RBM6: variants seen among roughly 807,000 people sequenced by gnomAD.
RBM6 encodes the protein RNA-binding protein 6.
In RBM6, 23 loss-of-function variants were observed where a neutral mutation model predicts 140.4. The ratio of observed to expected loss-of-function variants is 0.16; its 90% CI spans 0.12 to 0.23. The LOEUF (loss-of-function observed/expected upper bound fraction) is 0.23. Ranked by LOEUF, RBM6 falls within the 10% of genes least tolerant of loss-of-function variation. RBM6 has a pLI of 1.00. For missense variants in RBM6, 1,139 were observed against 1,386.7 expected (o/e 0.82, Z 2.84); for synonymous variants, 439 against 475.6 (o/e 0.92, Z 1.00).
chr3:50,072,417 A>AAAAAG (rs544768392), intron 19 of RBM6, among the ~76,000 whole-genome samples: 15 of 151,916 alleles, frequency 9.9e-5, no homozygotes, highest in African/African-American at 7.2e-5. Context: ...ATCAAAAAAA[A>AAAAAG]AAAAGAAAAG....
At chr3:50,035,916 T>C (rs372773190) in intron 6 of RBM6, among the ~76,000 whole-genome samples, 5 of 151,998 alleles carry the variant, frequency 3.3e-5, no homozygotes, top group African/African-American at 1.2e-4. Flanking sequence ...CCCACCACCA[T>C]GTCTGGCTAA....
Position 49,968,856 on chromosome 3 carries a change from T to C in RBM6, c.1323+108T>C, listed in dbSNP as rs982555467. 1.1e-5 allele frequency: 14 copies of C among 1,313,890 alleles called. No homozygotes were observed. In the Admixed American group the frequency reaches 2.1e-4, roughly 19 times the overall value. The allele number at this position is 1,313,890 out of a possible 1,614,324, so 81.4% of individuals were successfully genotyped here. ...AGTGCAGTGGTGCGATCTCTGCTCATGCAAGCTCCGCCTCCTGGGTTCATG... is the reference window on the plus strand; with the variant it reads ...AGTGCAGTGGTGCGATCTCTGCTCACGCAAGCTCCGCCTCCTGGGTTCATG... On this transcript the variant is annotated intron_variant, in intron 3 of 20. Transcript: ENST00000266022.
chr3:49,966,085 C>T (rs2084505375), intron 2 of RBM6, among the ~76,000 whole-genome samples: 1 of 152,030 alleles, frequency 6.6e-6, no homozygotes, highest in African/African-American at 2.4e-5. Flanking sequence ...GAGATCATGC[C>T]ATTGCACTCC....
At chr3:49,982,262 C>CTTTTCTTTTTTTT (rs2085338846) in intron 5 of RBM6, among the ~76,000 whole-genome samples, 1 of 68,428 alleles carries the variant, frequency 1.5e-5, no homozygotes, top group African/African-American at 6.0e-5. Flanking sequence ...CTTTTCTTTT[C>CTTTTCTTTTTTTT]TTTTTTTTTT....
chr3:50,005,495 C>CAAAAAAAA (rs35202304), intron 6 of RBM6, among the ~76,000 whole-genome samples: 3 of 101,378 alleles, frequency 3.0e-5, no homozygotes, highest in African/African-American at 3.9e-5. Context: ...GATCCTGCCT[C>CAAAAAAAA]AAAAAAAAAA....
At chr3:49,947,868 T>C (rs996876244) in intron 1 of RBM6, among the ~76,000 whole-genome samples, 3 of 152,218 alleles carry the variant, frequency 2.0e-5, no homozygotes, top group African/African-American at 7.2e-5. Context: ...GACACCTTTG[T>C]TGAAAATCAG....
At position 50,060,937 on chromosome 3, in the gene RBM6, G is replaced by A. The variant is rs1369656007; in HGVS notation, c.2229-19G>A. The A allele has an allele frequency of 4.5e-6, 7 of 1,546,156 alleles. No individual in the cohort carries two copies. In the South Asian group the frequency reaches 6.4e-5, roughly 14 times the overall value. ...CCACTTGGTAGCAGCCTTAAGAATT[G>A]TTGTGTTATCTGTTGCAGAAATGAT... On this transcript the variant is annotated intron_variant, in intron 11 of 20. Transcript: ENST00000266022.
chr3:49,996,784 C>G (rs917371151), intron 5 of RBM6, among the ~76,000 whole-genome samples: 3 of 152,158 alleles, frequency 2.0e-5, no homozygotes, highest in Admixed American at 1.3e-4. Context: ...CTTTCTGTAA[C>G]TAGGCTTCTA....
rs1457828102 is a variant in RBM6, at chr3:49,967,226, TC to T, written c.45-243del. 7.9e-7 allele frequency: 1 copy of T among 1,265,680 alleles called. No homozygotes were observed. The highest frequency in any genetic ancestry group is 1.0e-6 in the Non-Finnish European group (1 of 1,004,888). 78.4% of individuals were successfully genotyped at this position (1,265,680 alleles called of 1,614,324 possible). ...TGGGTGAAAGCTTTTTCTGCAGCAG[TC>T]ATGTTGAAAACCTTGTGTTGACTTT... On this transcript the variant is annotated intron_variant, in intron 2 of 20. Transcript: ENST00000266022. The surrounding 1 kb of genome is among the most constrained non-coding windows in gnomAD (Gnocchi z 4.0).
At chr3:49,958,564 ACT>A (rs1488349976) in intron 1 of RBM6, among the ~76,000 whole-genome samples, 1 of 149,634 alleles carries the variant, frequency 6.7e-6, no homozygotes, top group African/African-American at 2.5e-5. Context: ...AGACAGCAAG[ACT>A]CTGTCTCAAA....
At chr3:50,020,560 GT>G (rs1169651807) in intron 6 of RBM6, among the ~76,000 whole-genome samples, 7 of 152,066 alleles carry the variant, frequency 4.6e-5, no homozygotes, top group African/African-American at 1.4e-4. Flanking sequence ...GATAAGTTGT[GT>G]TTTTCATTAT....
At chr3:50,029,278 T>C (rs946260594) in intron 6 of RBM6, among the ~76,000 whole-genome samples, 13 of 152,166 alleles carry the variant, frequency 8.5e-5, no homozygotes, top group African/African-American at 3.1e-4. Flanking sequence ...GCAGTTGATA[T>C]GTGAGAAGTT....
In RBM6 at chr3:50,068,703, T is replaced by C; in HGVS notation, c.2957T>C (p.Ile986Thr). ...LSDLHKQNLE[I>T]HRKIKQSEQE... ...CTCTCTTCTCAGCAAAACCTGGAAA[T>C]CCACCGGAAGATAAAACAGTCTGAG... The change falls in exon 18 of 21, where the codon ATC becomes ACC. Residue 986 changes from isoleucine to threonine, a missense_variant. Around this residue, in one of 9 missense-constraint regions of RBM6, gnomAD observed 40 missense variants for 80.1 expected, o/e 0.50. Transcript: ENST00000266022. 5 of 1,614,102 alleles carry C rather than the reference T, an allele frequency of 3.1e-6. No individual in the cohort carries two copies. Among genetic ancestry groups the C allele is most frequent in the Non-Finnish European group, 3.4e-6 (4 of 1,179,984 alleles).
At position 49,955,557 on chromosome 3, in the gene RBM6, C is replaced by G. The variant is rs898370325; in HGVS notation, c.-66-7019C>G. Among the ~76,000 whole-genome samples, 7 of 151,914 alleles carry G rather than the reference C, an allele frequency of 4.6e-5. No individual in the cohort carries two copies. In the South Asian group the frequency reaches 1.5e-3, roughly 32 times the overall value. ...GGATTACAGTTTTTAAAAAATGTAT[C>G]CTAGGCTGGGCGCAGTGGCTCACGC... is the stretch of plus-strand genomic sequence containing the variant. On this transcript the variant is annotated intron_variant, in intron 1 of 20. Transcript: ENST00000266022.
chr3:50,068,838 C>A, intron 18 of RBM6, 74 bp downstream of exon 18: 1 of 1,308,692 alleles, frequency 7.6e-7, no homozygotes, highest in Non-Finnish European at 1.1e-6. Context: ...ATAGGCTGTG[C>A]TGATCCCTCC....
intron 6 of RBM6, among the ~76,000 whole-genome samples, chr3:50,024,525 A>G (rs1421317670): frequency 6.6e-6 from 1 of 152,144 alleles, no homozygotes; most frequent in Non-Finnish European, 1.5e-5. Flanking sequence ...CAAAAGATGT[A>G]TTCTTTTGCC....
rs964725326 is a variant in RBM6 at position 50,058,481 on chromosome 3, T to C, written c.2049T>C (p.Thr683=). 3 of 1,606,470 alleles carry C rather than the reference T, an allele frequency of 1.9e-6. No homozygotes were observed. Among genetic ancestry groups the C allele is most frequent in the Non-Finnish European group, 2.6e-6 (3 of 1,172,976 alleles). The part of the protein sequence containing the change: ...VEVLEPYVRL[T]TANVRIIKNR... ...TGCTGGAGCCCTATGTCCGCCTTAC[T>C]ACTGCCAACGTCCGTATCATCAAGA... The change falls in exon 10 of 21, where the codon ACT becomes ACC. Residue 683 remains threonine, a synonymous_variant. Coordinates refer to ENST00000266022, the MANE Select transcript of RBM6 (RefSeq NM_005777.3).
intron 4 of RBM6, among the ~76,000 whole-genome samples, chr3:49,973,584 CTTTT>C (rs1226088993): frequency 7.6e-6 from 1 of 131,318 alleles, no homozygotes; most frequent in Admixed American, 7.7e-5. Flanking sequence ...TTCTGCTTTT[CTTTT>C]TTTTTTTTTT....
chr3:49,962,598 G>A lies in RBM6; in HGVS notation c.-44G>A, dbSNP rs776180844. On this transcript the variant is annotated 5_prime_UTR_variant, in exon 2 of 21. Coordinates refer to ENST00000266022, the MANE Select transcript of RBM6 (RefSeq NM_005777.3). Reference sequence around the variant, plus strand: ...CAGGTACTGCTATAACCAGAATTTGGTAGAAAAAGGATTTACTTGTTGGGG... The same window carrying A: ...CAGGTACTGCTATAACCAGAATTTGATAGAAAAAGGATTTACTTGTTGGGG... The A allele has an allele frequency of 4.7e-5, 74 of 1,560,232 alleles. 3 individuals carry two copies. The South Asian group carries it at 8.8e-4, about 18-fold the overall frequency.
Sources: gnomAD v4.1 joint callset for allele counts (sites outside exome capture counted in the v4.1 genomes callset) on GRCh38, gnomAD v4.1.1 for gene constraint, gnomAD v4.1.1 regional missense constraint, Gnocchi (gnomAD v3.1) non-coding constraint, MANE v1.5 for transcripts, NCBI Gene and HGNC (gene_info 2026-07-23, HGNC 2026-07-21) for gene names.